NRG1: variants seen among roughly 807,000 people sequenced by gnomAD.
NRG1 encodes pro-neuregulin-1, membrane-bound isoform.
NRG1 carries 18 observed loss-of-function variants against 63.8 expected under a neutral mutation model. That is an observed-to-expected ratio of 0.28 (90% confidence interval 0.19 to 0.42). NRG1 has a LOEUF of 0.42. Among genes scored for constraint, NRG1 ranks in the 10% least tolerant of loss-of-function variants. NRG1 has a pLI of 1.00. For synonymous variants in NRG1, 302 were observed against 301.3 expected, an observed-to-expected ratio of 1.00 and a Z score of -0.02; for missense variants, 762 against 814.7, an observed-to-expected ratio of 0.94 and a Z score of 0.79.
At chr8:32,013,106 T>C (rs1403991595) in intron 1 of NRG1, among the ~76,000 whole-genome samples, 1 of 151,976 alleles carries the variant, frequency 6.6e-6, no homozygotes, top group African/African-American at 2.4e-5. Context: ...TCAAGATGCC[T>C]GATGGATAAA....
At chr8:32,557,023 T>C (rs1402923302) in intron 1 of NRG1, among the ~76,000 whole-genome samples, 2 of 152,180 alleles carry the variant, frequency 1.3e-5, no homozygotes, top group East Asian at 3.9e-4. Flanking sequence ...TGGTTTTTTT[T>C]GAGACTAAGT....
intron 1 of NRG1, among the ~76,000 whole-genome samples, chr8:32,527,350 T>C (rs1356851532): frequency 6.6e-6 from 1 of 152,092 alleles, no homozygotes; most frequent in Non-Finnish European, 1.5e-5. Flanking sequence ...AATAAAATCA[T>C]GTCTTTTGCA....
chr8:32,314,022 C>CT lies in NRG1; in HGVS notation c.38-281799dup, dbSNP rs1225483203. ...GGTCATGTTAACTACCCTTAATCAG[C>CT]TTTTTTTCTTGCAATATTTGTAATA... is the stretch of plus-strand genomic sequence containing the variant. On this transcript the variant is annotated intron_variant, in intron 1 of 10. Coordinates refer to the NRG1 transcript ENST00000519301. 8.5e-5 allele frequency among the ~76,000 whole-genome samples: 13 copies of CT among 152,260 alleles called. No homozygotes were observed. In the East Asian group the frequency reaches 2.5e-3, roughly 29 times the overall value.
intron 1 of NRG1, among the ~76,000 whole-genome samples, chr8:31,902,992 C>T (rs964542562): frequency 1.6e-4 from 25 of 152,096 alleles, no homozygotes; most frequent in African/African-American, 5.8e-4. Context: ...CCTTGGAACA[C>T]AGCCACATAT....
At chr8:32,362,691 T>G (rs1587072859) in intron 1 of NRG1, among the ~76,000 whole-genome samples, 1 of 152,298 alleles carries the variant, frequency 6.6e-6, no homozygotes, top group Admixed American at 6.5e-5. Context: ...TTTCACAATC[T>G]CGAGCCAAGT....
intron 1 of NRG1, among the ~76,000 whole-genome samples, chr8:31,931,894 T>C (rs1834895565): frequency 6.6e-6 from 1 of 152,182 alleles, no homozygotes; most frequent in Non-Finnish European, 1.5e-5. Flanking sequence ...GTACTGTAAA[T>C]GTTTCATGTG....
chr8:32,154,910 A>G (rs1837885893), intron 1 of NRG1, among the ~76,000 whole-genome samples: 1 of 152,212 alleles, frequency 6.6e-6, no homozygotes, highest in Admixed American at 6.5e-5. Flanking sequence ...CAAGAACATA[A>G]TTATTCACAA....
intron 1 of NRG1, among the ~76,000 whole-genome samples, chr8:32,156,946 G>C (rs969927894): frequency 4.6e-5 from 7 of 152,076 alleles, no homozygotes; most frequent in Non-Finnish European, 7.4e-5. Context: ...CTTAAAAAAA[G>C]TTCTAGGATA....
intron 1 of NRG1, among the ~76,000 whole-genome samples, chr8:32,559,943 G>T (rs1352035927): frequency 2.0e-5 from 3 of 152,074 alleles, no homozygotes; most frequent in Admixed American, 2.0e-4. Context: ...GATCACTTGA[G>T]CTCTCAGAGG....
At chr8:31,731,241 T>C (rs1814016730) in intron 1 of NRG1, among the ~76,000 whole-genome samples, 1 of 152,128 alleles carries the variant, frequency 6.6e-6, no homozygotes, top group African/African-American at 2.4e-5. Flanking sequence ...TACAGAAATA[T>C]TATTCTTATG....
rs758866237 is a variant in NRG1, at chr8:32,614,502, T to G, written c.401-12T>G. 5.0e-6 allele frequency: 8 copies of G among 1,586,652 alleles called. No individual in the cohort carries two copies. In the Admixed American group the frequency reaches 1.0e-4, roughly 20 times the overall value. On this transcript the variant is annotated splice_polypyrimidine_tract_variant and intron_variant, in intron 3 of 11. Transcript: ENST00000356819. ...TTATATATCATAATGTCCTATCACC[T>G]TTTTTTTTCAGAGATCATCACTGGT... is the stretch of plus-strand genomic sequence containing the variant.
intron 1 of NRG1, among the ~76,000 whole-genome samples, chr8:32,417,439 C>T: frequency 1.3e-5 from 2 of 151,976 alleles, no homozygotes; most frequent in East Asian, 3.9e-4. Flanking sequence ...GGTTCTAATT[C>T]TTTGGTTTTC....
intron 1 of NRG1, among the ~76,000 whole-genome samples, chr8:31,870,999 T>C (rs534213188): frequency 2.1e-5 from 3 of 143,562 alleles, no homozygotes; most frequent in South Asian, 4.3e-4. Context: ...TCCACACTTT[T>C]ATTTTCCTTT....
At chr8:32,629,650 C>T (rs73590617) in intron 5 of NRG1, among the ~76,000 whole-genome samples, 3,551 of 152,210 alleles carry the variant, frequency 0.023, 58 homozygotes, top group Middle Eastern at 0.1. Context: ...AAGAAGCATT[C>T]ACATTCTACC....
intron 1 of NRG1, among the ~76,000 whole-genome samples, chr8:32,286,840 T>C (rs529943921): frequency 2.6e-4 from 40 of 152,056 alleles, no homozygotes; most frequent in Admixed American, 9.2e-4. Flanking sequence ...GTACTAAAAA[T>C]ACAAAAATTA....
rs58107730 is a variant in NRG1 at position 31,805,827 on chromosome 8, C to CAAAAA, written c.37+166411_37+166415dup. Among the ~76,000 whole-genome samples, 46 of 105,320 alleles carry CAAAAA rather than the reference C, an allele frequency of 4.4e-4. 1 individual carries two copies. The highest frequency in any genetic ancestry group is 2.0e-3 in the South Asian group (6 of 3,054). The allele number at this position is 105,320 out of a possible 152,430, so 69.1% of individuals were successfully genotyped here. On this transcript the variant is annotated intron_variant, in intron 1 of 10. Coordinates refer to the NRG1 transcript ENST00000519301. ...TGGGCAACCGAGCGGGACTCCGTCT[C>CAAAAA]AAAAAAAAAAAAAAAAAAAGATGAA... is the stretch of plus-strand genomic sequence containing the variant.
intron 1 of NRG1, among the ~76,000 whole-genome samples, chr8:32,054,206 C>G (rs1256695123): frequency 6.6e-6 from 1 of 152,054 alleles, no homozygotes; most frequent in Non-Finnish European, 1.5e-5. Flanking sequence ...TAAATAAACA[C>G]AAGGGGAACT....
chr8:31,927,658 C>A (rs375476634), intron 1 of NRG1, among the ~76,000 whole-genome samples: 6 of 148,718 alleles, frequency 4.0e-5, no homozygotes, highest in Non-Finnish European at 4.5e-5. Context: ...CCGTTTTAGC[C>A]GGGATGGTCT....
chr8:32,639,478 C>T (rs1414705316), intron 5 of NRG1, among the ~76,000 whole-genome samples: 1 of 151,966 alleles, frequency 6.6e-6, no homozygotes, highest in Non-Finnish European at 1.5e-5. Flanking sequence ...TCAGGTAATC[C>T]CTTTCCTCAA....
Sources: gnomAD v4.1 joint callset for allele counts (sites outside exome capture counted in the v4.1 genomes callset) on GRCh38, gnomAD v4.1.1 for gene constraint, MANE v1.5 for transcripts, NCBI Gene and HGNC (gene_info 2026-07-23, HGNC 2026-07-21) for gene names.